The following CERS3 variants were observed in gnomAD, a reference collection of about 807,000 sequenced individuals.
CERS3 encodes the protein LAG1 homolog, ceramide synthase 3.
In CERS3, 33 loss-of-function variants were observed where a neutral mutation model predicts 50.3. The observed-to-expected ratio is 0.66, with a 90% CI of 0.50 to 0.88. CERS3 has a LOEUF of 0.88. CERS3 is among the 40% of genes least tolerant of loss of function. The pLI, the probability that CERS3 is intolerant of heterozygous loss-of-function variation, is 0.00. For missense variants in CERS3, 470 were observed against 460.3 expected (o/e 1.02, Z -0.19); for synonymous variants, 176 against 155.2 (o/e 1.13, Z -0.99).
intron 10 of CERS3, among the ~76,000 whole-genome samples, chr15:100,462,974 C>T (rs1035481438): frequency 6.6e-6 from 1 of 152,162 alleles, no homozygotes; most frequent in African/African-American, 2.4e-5. Context: ...GCAATACACA[C>T]TGAATTACTT....
At chr15:100,534,394 T>G (rs1356428446) in intron 1 of CERS3, among the ~76,000 whole-genome samples, 1 of 152,028 alleles carries the variant, frequency 6.6e-6, no homozygotes, top group Admixed American at 6.5e-5. Flanking sequence ...GTTAATATAT[T>G]GAAAAGCACT....
chr15:100,410,733 C>T (rs2031417144), intron 11 of CERS3, among the ~76,000 whole-genome samples: 1 of 152,120 alleles, frequency 6.6e-6, no homozygotes. Flanking sequence ...CACAGAATAC[C>T]ATTACCAAGA....
intron 11 of CERS3, among the ~76,000 whole-genome samples, chr15:100,454,128 C>A (rs1191890369): frequency 1.3e-5 from 2 of 152,180 alleles, no homozygotes; most frequent in Non-Finnish European, 2.9e-5. Flanking sequence ...TAGTGCCTCA[C>A]ACCTGTAATT....
chr15:100,505,312 T>C (rs2036145334), intron 2 of CERS3, among the ~76,000 whole-genome samples: 1 of 152,242 alleles, frequency 6.6e-6, no homozygotes, highest in Non-Finnish European at 1.5e-5. Context: ...TCAAATAGTT[T>C]ATCATGGTTA....
chr15:100,520,423 G>C (rs918867248), intron 2 of CERS3, among the ~76,000 whole-genome samples: 3 of 152,166 alleles, frequency 2.0e-5, no homozygotes, highest in African/African-American at 7.2e-5. Flanking sequence ...GATCTGTTCG[G>C]GCTGTGTAGC....
intron 10 of CERS3, among the ~76,000 whole-genome samples, chr15:100,458,232 CT>C (rs1462682240): frequency 2.6e-5 from 4 of 152,148 alleles, no homozygotes; most frequent in African/African-American, 9.7e-5. Context: ...AACATTTCCC[CT>C]ATGTCTGCTT....
intron 11 of CERS3, among the ~76,000 whole-genome samples, chr15:100,450,805 C>T (rs2034133809): frequency 6.6e-6 from 1 of 151,868 alleles, no homozygotes; most frequent in Admixed American, 6.6e-5. Flanking sequence ...AGAACAGCAA[C>T]AGAAATGTGT....
intron 11 of CERS3, among the ~76,000 whole-genome samples, chr15:100,433,286 T>G (rs2033226839): frequency 1.3e-5 from 2 of 151,288 alleles, no homozygotes; most frequent in Admixed American, 1.3e-4. Flanking sequence ...GCAAATGACT[T>G]GAGGACTTCT....
chr15:100,492,121 T>G (rs2142302044), intron 3 of CERS3, among the ~76,000 whole-genome samples: 1 of 152,350 alleles, frequency 6.6e-6, no homozygotes, highest in East Asian at 1.9e-4. Flanking sequence ...TAGCCTAATA[T>G]GTAATCATGC....
chr15:100,503,790 T>C (rs779854280), intron 2 of CERS3: 5 of 468,214 alleles, frequency 1.1e-5, no homozygotes, highest in African/African-American at 2.0e-5. Context: ...CAGCAATAGA[T>C]GCAGTCAGCA....
chr15:100,543,642 G>C (rs1235859501), intron 1 of CERS3, among the ~76,000 whole-genome samples: 1 of 151,716 alleles, frequency 6.6e-6, no homozygotes, highest in Non-Finnish European at 1.5e-5. Flanking sequence ...CGATTCTCCT[G>C]CCTCAGCCTC....
intron 10 of CERS3, among the ~76,000 whole-genome samples, chr15:100,456,610 G>C (rs1339424155): frequency 6.6e-6 from 1 of 152,154 alleles, no homozygotes; most frequent in African/African-American, 2.4e-5. Context: ...GACACAATTT[G>C]AACTGCTCCT....
At position 100,485,085 on chromosome 15, in the gene CERS3, G is replaced by C. The variant is rs148179122; in HGVS notation, c.289-417C>G. 3.3e-3 allele frequency among the ~76,000 whole-genome samples: 497 copies of C among 152,200 alleles called. 2 individuals are homozygous for C. Among genetic ancestry groups the C allele is most frequent in the Non-Finnish European group, 4.6e-3 (314 of 68,018 alleles). On this transcript the variant is annotated intron_variant, in intron 4 of 11. Transcript: ENST00000679737. ...GAAGCCCCAAGAAGTTCAGTGACTT[G>C]TCCAAAACCTAAAATTAGAAGCAAA...
At chr15:100,500,752 C>T (rs1334883092) in intron 3 of CERS3, among the ~76,000 whole-genome samples, 4 of 152,140 alleles carry the variant, frequency 2.6e-5, no homozygotes, top group Non-Finnish European at 2.9e-5. Context: ...ACGCTGTTGG[C>T]CCCAGTGAAG....
upstream of CERS3, among the ~76,000 whole-genome samples, chr15:100,532,364 A>T (rs1596823879): frequency 6.6e-6 from 1 of 152,164 alleles, no homozygotes; most frequent in Admixed American, 6.5e-5. Flanking sequence ...AACCGGCAAA[A>T]TTTTTGAGAT....
intron 11 of CERS3, among the ~76,000 whole-genome samples, chr15:100,417,804 C>G (rs11543466): frequency 0.47 from 70,591 of 151,352 alleles, 17,741 homozygotes; most frequent in Non-Finnish European, 0.56. Flanking sequence ...CTGAGAGGCA[C>G]CCCCCAGCAA....
chr15:100,433,616 G>A (rs754985121), intron 11 of CERS3, among the ~76,000 whole-genome samples: 1 of 152,150 alleles, frequency 6.6e-6, no homozygotes, highest in Admixed American at 6.5e-5. Flanking sequence ...CCACATCAGA[G>A]TTCAACTTCT....
At chr15:100,444,656 G>T (rs61491331) in intron 11 of CERS3, among the ~76,000 whole-genome samples, 1 of 151,870 alleles carries the variant, frequency 6.6e-6, no homozygotes, top group Admixed American at 6.6e-5. Context: ...GCTCCTCAGG[G>T]ATTATTCAGG....
At chr15:100,513,985 G>T (rs1386050561) in intron 2 of CERS3, among the ~76,000 whole-genome samples, 1 of 152,144 alleles carries the variant, frequency 6.6e-6, no homozygotes, top group Non-Finnish European at 1.5e-5. Context: ...TACAGTAAGT[G>T]TACAAATAGT....
Sources: allele counts gnomAD v4.1 joint callset (sites outside exome capture counted in the v4.1 genomes callset), GRCh38; gene constraint gnomAD v4.1.1; transcripts MANE v1.5; gene names NCBI Gene and HGNC (gene_info 2026-07-23, HGNC 2026-07-21).